SNTG2: variants seen among roughly 807,000 people sequenced by gnomAD.
SNTG2 encodes syntrophin gamma 2.
A neutral mutation model predicts 70.9 loss-of-function variants in SNTG2; 74 were observed. That is an observed-to-expected ratio of 1.04 (90% CI 0.86 to 1.27). SNTG2 has a LOEUF of 1.27. Among genes scored for constraint, SNTG2 ranks in the 50% most tolerant of loss-of-function variants. SNTG2 has a pLI of 0.00. For missense variants in SNTG2, 717 were observed against 690.7 expected, an observed-to-expected ratio of 1.04 and a Z score of -0.43; for synonymous variants, 278 against 273.8, an observed-to-expected ratio of 1.02 and a Z score of -0.15.
chr2:1,087,468 C>T (rs1327998375), intron 2 of SNTG2, among the ~76,000 whole-genome samples: 1 of 152,182 alleles, frequency 6.6e-6, no homozygotes, highest in African/African-American at 2.4e-5. Flanking sequence ...CCACTGGCCA[C>T]ACTCTGCTGA....
chr2:1,281,144 C>T (rs1361269043), intron 14 of SNTG2, among the ~76,000 whole-genome samples: 2 of 151,254 alleles, frequency 1.3e-5, no homozygotes, highest in Non-Finnish European at 2.9e-5. Context: ...CTCACTCTCC[C>T]GTCTTGGAGG....
intron 1 of SNTG2, among the ~76,000 whole-genome samples, chr2:991,307 T>C (rs1309916267): frequency 6.6e-6 from 1 of 151,362 alleles, no homozygotes; most frequent in Non-Finnish European, 1.5e-5. Context: ...TCTTGCCTCA[T>C]TGTTAAAATA....
intron 6 of SNTG2, among the ~76,000 whole-genome samples, chr2:1,164,372 CTG>C (rs1670562214): frequency 8.7e-6 from 1 of 115,496 alleles, no homozygotes; most frequent in South Asian, 3.7e-4. Flanking sequence ...TGGGCAGTCT[CTG>C]TGTAGAGGAG....
chr2:959,958 GGT>G (rs1660295961), intron 1 of SNTG2, among the ~76,000 whole-genome samples: 1 of 151,534 alleles, frequency 6.6e-6, no homozygotes, highest in Non-Finnish European at 1.5e-5. Context: ...GGCTTTTTCT[GGT>G]GTATATTCTG....
At chr2:1,083,714 C>A in intron 2 of SNTG2, 59 bp downstream of exon 2, 1 of 1,590,204 alleles carries the variant, frequency 6.3e-7, no homozygotes, top group South Asian at 1.1e-5. Flanking sequence ...CATGAACGGT[C>A]TTTGAAAAGT....
At position 976,611 on chromosome 2, in the gene SNTG2, T is replaced by C. The variant is rs569228746; in HGVS notation, c.72+25543T>C. Among the ~76,000 whole-genome samples the C allele has an allele frequency of 9.2e-5, 14 of 152,336 alleles. No homozygotes were observed. In the East Asian group the frequency reaches 2.5e-3, roughly 27 times the overall value. On this transcript the variant is annotated intron_variant, in intron 1 of 16. Coordinates refer to ENST00000308624, the MANE Select transcript of SNTG2 (RefSeq NM_018968.4). ...GGCTCTGGTGCTCTTCAAGGTTTGCTTAAAGCTAAAATAGCGCATCTTCTA... is the reference window on the plus strand; with the variant it reads ...GGCTCTGGTGCTCTTCAAGGTTTGCCTAAAGCTAAAATAGCGCATCTTCTA...
At chr2:1,224,484 C>G (rs962562583) in intron 9 of SNTG2, among the ~76,000 whole-genome samples, 1 of 152,210 alleles carries the variant, frequency 6.6e-6, no homozygotes, top group African/African-American at 2.4e-5. Context: ...GGCCACCCCT[C>G]CTGTTACCTG....
intron 2 of SNTG2, among the ~76,000 whole-genome samples, chr2:1,088,370 G>T (rs1664810769): frequency 6.6e-6 from 1 of 152,118 alleles, no homozygotes; most frequent in African/African-American, 2.4e-5. Flanking sequence ...TCTGATGCCT[G>T]TGTGTGTCGC....
intron 4 of SNTG2, among the ~76,000 whole-genome samples, chr2:1,136,692 C>G (rs35995873): frequency 0.36 from 54,910 of 152,004 alleles, 11,666 homozygotes; most frequent in Non-Finnish European, 0.48. Flanking sequence ...TTGAAACAAA[C>G]CTATGTGAAG....
chr2:1,359,884 G>C (rs1214985578), intron 16 of SNTG2, among the ~76,000 whole-genome samples: 1 of 151,912 alleles, frequency 6.6e-6, no homozygotes, highest in Non-Finnish European at 1.5e-5. Flanking sequence ...CCTTTCTGTA[G>C]TAATATTGAG....
chr2:1,084,172 G>A (rs1664529436), intron 2 of SNTG2, among the ~76,000 whole-genome samples: 1 of 152,190 alleles, frequency 6.6e-6, no homozygotes, highest in Admixed American at 6.5e-5. Context: ...GGCCCTTTCT[G>A]GGGGCACAGG....
chr2:1,218,966 T>C (rs28539795), intron 9 of SNTG2, among the ~76,000 whole-genome samples: 35,083 of 152,142 alleles, frequency 0.23, 4,874 homozygotes, highest in East Asian at 0.45. Flanking sequence ...TGATTTTTAA[T>C]TGTGATGCGG....
chr2:1,112,363 A>G (rs1167093701), intron 4 of SNTG2, among the ~76,000 whole-genome samples: 2 of 151,662 alleles, frequency 1.3e-5, no homozygotes. Context: ...AATCGTGTGT[A>G]CTAACTGAGG....
chr2:1,298,242 C>T (rs1572940746), intron 14 of SNTG2, among the ~76,000 whole-genome samples: 1 of 152,208 alleles, frequency 6.6e-6, no homozygotes, highest in South Asian at 2.1e-4. Context: ...AAGAGAGTCT[C>T]GTGTCTCAAC....
rs547352326 is a variant in SNTG2, at chr2:1,155,176, C to CACACACACACA, written c.412-10372_412-10371insACACACACACA. Among the ~76,000 whole-genome samples the CACACACACACA allele has an allele frequency of 3.4e-5, 5 of 147,250 alleles. No homozygotes were observed. The East Asian group carries it at 7.0e-4, about 20-fold the overall frequency. ...ATACACACACACACGTAGACCCCCC[C>CACACACACACA]CCCACACACATATATAGACCACACA... On this transcript the variant is annotated intron_variant, in intron 6 of 16. Coordinates refer to ENST00000308624, the MANE Select transcript of SNTG2 (RefSeq NM_018968.4).
intron 1 of SNTG2, among the ~76,000 whole-genome samples, chr2:954,620 A>G (rs1300798362): frequency 6.6e-6 from 1 of 152,190 alleles, no homozygotes; most frequent in African/African-American, 2.4e-5. Flanking sequence ...AAATTCAGGA[A>G]GCCGAGGTTA....
Position 1,326,545 on chromosome 2 carries a change from G to A in SNTG2, c.1488+10170G>A, listed in dbSNP as rs369232117. On this transcript the variant is annotated intron_variant, in intron 16 of 16. Transcript: ENST00000308624. ...TTGATAGAGAGGATATGCAGTTTTC[G>A]AAACAATTAACAGACTTCGTAAAGG... 1.3e-3 allele frequency among the ~76,000 whole-genome samples: 191 copies of A among 152,176 alleles called. 1 individual carries two copies. The highest frequency in any genetic ancestry group is 4.4e-3 in the African/African-American group (183 of 41,510).
chr2:1,294,677 G>A (rs1680127496), intron 14 of SNTG2, among the ~76,000 whole-genome samples: 1 of 152,176 alleles, frequency 6.6e-6, no homozygotes, highest in South Asian at 2.1e-4. Flanking sequence ...CAAACCACAT[G>A]GACACAAGCA....
chr2:990,074 C>T (rs1661441023), intron 1 of SNTG2, among the ~76,000 whole-genome samples: 1 of 151,542 alleles, frequency 6.6e-6, no homozygotes, highest in Non-Finnish European at 1.5e-5. Flanking sequence ...CAGCTTTATG[C>T]CTTTGCTAAC....
Sources: gnomAD v4.1 joint callset for allele counts (sites outside exome capture counted in the v4.1 genomes callset) on GRCh38, gnomAD v4.1.1 for gene constraint, MANE v1.5 for transcripts, NCBI Gene and HGNC (gene_info 2026-07-23, HGNC 2026-07-21) for gene names.